The following BRINP2 variants were observed in gnomAD, a reference collection of about 807,000 sequenced individuals.
The protein encoded by BRINP2 is BMP/retinoic acid inducible neural specific 2.
BRINP2 carries 21 observed loss-of-function variants against 69.2 expected under a neutral mutation model. The observed-to-expected ratio is 0.30, with a 90% confidence interval of 0.22 to 0.44. BRINP2 has a LOEUF of 0.44. Ranked by LOEUF, BRINP2 falls within the 20% of genes least tolerant of loss-of-function variation. BRINP2 has a pLI of 1.00. For synonymous variants in BRINP2, 380 were observed against 394.1 expected (o/e 0.96, Z 0.42); for missense variants, 877 against 986.0 (o/e 0.89, Z 1.48).
At position 177,200,918 on chromosome 1, in the gene BRINP2, A is replaced by G. The variant is rs115836423; in HGVS notation, c.-76-28883A>G. Among the ~76,000 whole-genome samples, 773 of 152,336 alleles carry G rather than the reference A, an allele frequency of 5.1e-3. 9 individuals are homozygous for G. Among genetic ancestry groups the G allele is most frequent in the African/African-American group, 0.018 (741 of 41,584 alleles). ...GTGCTTCATTATTTATAAAACAGGT[A>G]TTGTAAGTGAAGTAACTCAGGAATG... On this transcript the variant is annotated intron_variant, in intron 1 of 7. Transcript: ENST00000361539.
rs530923790 is a variant in BRINP2 at position 177,172,349 on chromosome 1, T to C, written c.-77+617T>C. Among the ~76,000 whole-genome samples, 5 of 152,296 alleles carry C rather than the reference T, an allele frequency of 3.3e-5. No homozygotes were observed. In the South Asian group the frequency reaches 1.0e-3, roughly 32 times the overall value. ...GCACTGGAGACACTAGGGAAGAACA[T>C]TGCTGTGCTGAAAGGTGGGATGTGC... On this transcript the variant is annotated intron_variant, in intron 1 of 7. Coordinates refer to ENST00000361539, the MANE Select transcript of BRINP2 (RefSeq NM_021165.4).
intron 2 of BRINP2, among the ~76,000 whole-genome samples, chr1:177,251,926 A>G (rs1283423646): frequency 6.6e-6 from 1 of 152,214 alleles, no homozygotes. Flanking sequence ...ATTAGAAATT[A>G]TTAGTTAATG....
At chr1:177,221,463 T>C (rs970473922) in intron 1 of BRINP2, among the ~76,000 whole-genome samples, 1 of 152,128 alleles carries the variant, frequency 6.6e-6, no homozygotes, top group African/African-American at 2.4e-5. Context: ...CAGTGGTGGG[T>C]CTTTAAATAA....
intron 1 of BRINP2, among the ~76,000 whole-genome samples, chr1:177,174,453 T>C (rs528332389): frequency 1.2e-4 from 19 of 152,350 alleles, no homozygotes; most frequent in South Asian, 4.1e-4. Context: ...GGCTCCCATC[T>C]GACAAAAGGG....
Position 177,265,752 on chromosome 1 carries a change from A to G in BRINP2, c.670-7736A>G, listed in dbSNP as rs187039100. The stretch of plus-strand genomic sequence containing the variant: ...TTGAACAAGTTGCCAAACTTCTCAG[A>G]ACCTCAGTTTACTCATCCTAAAATT... On this transcript the variant is annotated intron_variant, in intron 4 of 7. Transcript: ENST00000361539. 3.3e-4 allele frequency among the ~76,000 whole-genome samples: 51 copies of G among 152,248 alleles called. 1 individual carries two copies. The highest frequency in any genetic ancestry group is 1.2e-3 in the African/African-American group (50 of 41,526).
chr1:177,199,681 G>A (rs1268288846), intron 1 of BRINP2, among the ~76,000 whole-genome samples: 1 of 152,114 alleles, frequency 6.6e-6, no homozygotes, highest in African/African-American at 2.4e-5. Context: ...TTTTATTTAG[G>A]TTGAGAAATT....
intron 1 of BRINP2, among the ~76,000 whole-genome samples, chr1:177,228,450 C>G (rs1396805678): frequency 6.6e-6 from 1 of 152,184 alleles, no homozygotes; most frequent in East Asian, 1.9e-4. Flanking sequence ...CTGGAGCCAG[C>G]CCAGAGTGCC....
chr1:177,240,707 C>T (rs985007017), intron 2 of BRINP2, among the ~76,000 whole-genome samples: 7 of 152,170 alleles, frequency 4.6e-5, no homozygotes, highest in African/African-American at 1.7e-4. Context: ...ATATCACAGT[C>T]AGGCTAGAAG....
At chr1:177,182,625 C>T (rs1558150669) in intron 1 of BRINP2, among the ~76,000 whole-genome samples, 1 of 152,044 alleles carries the variant, frequency 6.6e-6, no homozygotes, top group African/African-American at 2.4e-5. Flanking sequence ...AACCTGGTGC[C>T]GCAATATCAT....
chr1:177,213,691 G>T (rs1649292486), intron 1 of BRINP2, among the ~76,000 whole-genome samples: 1 of 152,092 alleles, frequency 6.6e-6, no homozygotes, highest in South Asian at 2.1e-4. Context: ...TGGTCAGCAT[G>T]GTCTTCTTGA....
At chr1:177,224,148 C>T (rs558220894) in intron 1 of BRINP2, among the ~76,000 whole-genome samples, 2 of 152,146 alleles carry the variant, frequency 1.3e-5, no homozygotes, top group Non-Finnish European at 2.9e-5. Flanking sequence ...GGTTTTGCAT[C>T]AAGATATTGC....
At chr1:177,232,579 G>C (rs1179712816) in intron 2 of BRINP2, among the ~76,000 whole-genome samples, 1 of 152,170 alleles carries the variant, frequency 6.6e-6, no homozygotes, top group African/African-American at 2.4e-5. Context: ...AAGCAAAATG[G>C]TGGCTCATGC....
At chr1:177,276,111 C>T in intron 5 of BRINP2, 87 bp from the exon 6 acceptor site, 7 of 1,277,284 alleles carry the variant, frequency 5.5e-6, no homozygotes, top group Non-Finnish European at 6.7e-6. Flanking sequence ...CAGCAGAACT[C>T]CAGCTGGGAT....
At chr1:177,275,154 G>A (rs1354949938) in intron 5 of BRINP2, 3 of 456,254 alleles carry the variant, frequency 6.6e-6, no homozygotes, top group Non-Finnish European at 1.3e-5. Flanking sequence ...GCATCCAAAG[G>A]CATGCCTACC....
chr1:177,270,089 G>C (rs938197371), intron 4 of BRINP2, among the ~76,000 whole-genome samples: 7 of 136,054 alleles, frequency 5.1e-5, no homozygotes, highest in African/African-American at 1.8e-4. Flanking sequence ...GGGTGGGGGG[G>C]GTGGTTCTCA....
intron 1 of BRINP2, among the ~76,000 whole-genome samples, chr1:177,190,315 G>A (rs1048940105): frequency 6.6e-6 from 1 of 152,170 alleles, no homozygotes; most frequent in African/African-American, 2.4e-5. Context: ...CTGGAGTTAT[G>A]TGGCATTTAA....
intron 1 of BRINP2, among the ~76,000 whole-genome samples, chr1:177,174,537 T>C (rs1377951081): frequency 6.6e-6 from 1 of 152,208 alleles, no homozygotes; most frequent in Non-Finnish European, 1.5e-5. Flanking sequence ...CATCTGCGAT[T>C]GATTCGTACA....
intron 2 of BRINP2, among the ~76,000 whole-genome samples, chr1:177,232,645 T>C (rs1461530737): frequency 1.3e-5 from 2 of 152,176 alleles, no homozygotes; most frequent in East Asian, 3.9e-4. Context: ...CCCTTCCCAC[T>C]TTGTTTCTAG....
chr1:177,275,818 G>T (rs952239940), intron 5 of BRINP2, among the ~76,000 whole-genome samples: 2 of 152,136 alleles, frequency 1.3e-5, no homozygotes. Context: ...ATCAAACCTT[G>T]TTTTCTCACC....
Sources: allele counts gnomAD v4.1 joint callset (sites outside exome capture counted in the v4.1 genomes callset), GRCh38; gene constraint gnomAD v4.1.1; transcripts MANE v1.5; gene names NCBI Gene and HGNC (gene_info 2026-07-23, HGNC 2026-07-21).